INTS7: variants seen among roughly 807,000 people sequenced by gnomAD.
The protein encoded by INTS7 is integrator complex subunit 7.
A neutral mutation model predicts 109.2 loss-of-function variants in INTS7; 46 were observed. That is an observed-to-expected ratio of 0.42 (90% CI 0.33 to 0.54). The LOEUF is 0.54. Ranked by LOEUF, INTS7 falls within the 20% of genes least tolerant of loss-of-function variation. INTS7 has a pLI of 0.07. For synonymous variants in INTS7, 412 were observed against 402.9 expected (o/e 1.02, Z -0.27); for missense variants, 929 against 1,132.4 (o/e 0.82, Z 2.58).
chr1:211,983,835 GTTT>G (rs982177750), intron 8 of INTS7, among the ~76,000 whole-genome samples: 4 of 143,294 alleles, frequency 2.8e-5, no homozygotes, highest in African/African-American at 7.4e-5. Context: ...TGTTTTTTGG[GTTT>G]TTGTTTGTTT....
At chr1:212,014,203 G>A (rs142766046) in intron 4 of INTS7, among the ~76,000 whole-genome samples, 3 of 152,158 alleles carry the variant, frequency 2.0e-5, no homozygotes, top group Non-Finnish European at 2.9e-5. Flanking sequence ...ACTGGCTCAC[G>A]CCTGTAATTC....
At chr1:211,993,813 A>C (rs932379253) in intron 7 of INTS7, among the ~76,000 whole-genome samples, 1 of 152,138 alleles carries the variant, frequency 6.6e-6, no homozygotes, top group Non-Finnish European at 1.5e-5. Context: ...ACACTAAAAA[A>C]TGTTTTTCCT....
At chr1:212,000,495 T>C (rs1046097260) in intron 7 of INTS7, among the ~76,000 whole-genome samples, 1 of 152,154 alleles carries the variant, frequency 6.6e-6, no homozygotes, top group East Asian at 1.9e-4. Flanking sequence ...ACCCCAACCC[T>C]ACAATCTGTC....
At chr1:211,998,080 T>C (rs916803673) in intron 7 of INTS7, among the ~76,000 whole-genome samples, 1 of 152,166 alleles carries the variant, frequency 6.6e-6, no homozygotes, top group Non-Finnish European at 1.5e-5. Flanking sequence ...CAGCTCAGTC[T>C]CCCAAGTAGC....
chr1:211,977,422 C>T lies in INTS7; in HGVS notation c.1471-703G>A, dbSNP rs138141367. On this transcript the variant is annotated intron_variant, in intron 11 of 19. Coordinates refer to ENST00000366994, the MANE Select transcript of INTS7 (RefSeq NM_015434.4). The stretch of plus-strand genomic sequence containing the variant: ...AAATGCCACTTCAATAAAAAATAAA[C>T]TTAGCTAACTGCCTCTTAATATTTC... Among the ~76,000 whole-genome samples the T allele has an allele frequency of 5.2e-3, 798 of 152,222 alleles. 4 individuals are homozygous for T. Among genetic ancestry groups the T allele is most frequent in the African/African-American group, 0.018 (763 of 41,528 alleles).
At position 212,006,726 on chromosome 1, in the gene INTS7, G is replaced by A. The variant is rs200861728; in HGVS notation, c.792C>T (p.Pro264=). Residue 264 remains proline, a synonymous_variant, in exon 7 of 20, where the codon CCC becomes CCT. Transcript: ENST00000366994. The stretch of plus-strand genomic sequence containing the variant: ...TAGCAAGTCTCTTTACTGCCTTCCT[G>A]GGATCATTCTTCAAATACTGCAACA... ...QLLLQYLKND[P]RKAVKRLAIQ... is the part of the protein sequence containing the mutation. 56 of 1,605,546 alleles carry A rather than the reference G, an allele frequency of 3.5e-5. No individual in the cohort carries two copies. Among genetic ancestry groups the A allele is most frequent in the Non-Finnish European group, 4.7e-5 (55 of 1,174,226 alleles).
chr1:211,985,244 T>C (rs1453715590), intron 8 of INTS7, among the ~76,000 whole-genome samples: 1 of 152,188 alleles, frequency 6.6e-6, no homozygotes, highest in Non-Finnish European at 1.5e-5. Context: ...TCAAGTGTTG[T>C]TTTAAGGTGC....
At chr1:211,952,863 T>C (rs1302630800) in intron 16 of INTS7, among the ~76,000 whole-genome samples, 162 bp from the exon 17 acceptor site, 1 of 152,222 alleles carries the variant, frequency 6.6e-6, no homozygotes, top group Admixed American at 6.5e-5. Context: ...GTAAGTAGTT[T>C]GCCTACAGTC....
chr1:211,996,788 G>A (rs1053237081), intron 7 of INTS7, among the ~76,000 whole-genome samples: 1 of 152,176 alleles, frequency 6.6e-6, no homozygotes, highest in Non-Finnish European at 1.5e-5. Flanking sequence ...ACTTTGGGAG[G>A]TCCAGGCAGG....
intron 7 of INTS7, among the ~76,000 whole-genome samples, chr1:211,988,463 A>T (rs1196370719): frequency 6.6e-6 from 1 of 151,790 alleles, no homozygotes; most frequent in Non-Finnish European, 1.5e-5. Flanking sequence ...AAACTTCCAA[A>T]CTCTTTAGGG....
At chr1:212,034,737 T>C (rs1426243531) in intron 1 of INTS7, among the ~76,000 whole-genome samples, 1 of 152,122 alleles carries the variant, frequency 6.6e-6, no homozygotes, top group South Asian at 2.1e-4. Context: ...CTAGATGAAG[T>C]TAATCATAAA....
At chr1:211,974,270 AAAAAAAAT>A (rs1180559583) in intron 13 of INTS7, among the ~76,000 whole-genome samples, 10,749 of 101,816 alleles carry the variant, frequency 0.11, 648 homozygotes, top group Non-Finnish European at 0.13. Context: ...CTTCCCAGAA[AAAAAAAAT>A]ATATATATAT....
intron 15 of INTS7, among the ~76,000 whole-genome samples, chr1:211,966,989 T>A (rs1571857772): frequency 2.0e-5 from 3 of 152,200 alleles, no homozygotes; most frequent in Admixed American, 1.3e-4. Flanking sequence ...TGTCTCTGTA[T>A]ATATGCATTT....
At chr1:211,970,879 T>G (rs572705829) in intron 13 of INTS7, among the ~76,000 whole-genome samples, 2 of 152,312 alleles carry the variant, frequency 1.3e-5, no homozygotes, top group African/African-American at 4.8e-5. Flanking sequence ...ACATAACCTG[T>G]GCAATTCCAC....
rs11322485 is a variant in INTS7 at position 211,968,712 on chromosome 1, G to GAAA, written c.1816-8_1816-6dup. Reference sequence around the variant, plus strand: ...ATTCAGTGGTGTACTAGCTGCCTGGGAAAAAAAAAAAAAAGAGATATTTAA... The same window carrying GAAA: ...ATTCAGTGGTGTACTAGCTGCCTGGGAAAAAAAAAAAAAAAAAGAGATATTTAA... On this transcript the variant is annotated splice_polypyrimidine_tract_variant and splice_region_variant and intron_variant, in intron 13 of 19. Coordinates refer to ENST00000366994, the MANE Select transcript of INTS7 (RefSeq NM_015434.4). 7 of 1,384,522 alleles carry GAAA rather than the reference G, an allele frequency of 5.1e-6. No homozygotes were observed. The highest frequency in any genetic ancestry group is 2.4e-5 in the East Asian group (1 of 41,586). 85.8% of individuals were successfully genotyped at this position (1,384,522 alleles called of 1,614,324 possible).
chr1:211,968,350 C>T (rs918613192), intron 14 of INTS7, among the ~76,000 whole-genome samples, 163 bp downstream of exon 14: 18 of 152,152 alleles, frequency 1.2e-4, no homozygotes, highest in African/African-American at 2.7e-4. Context: ...CTTTATCTTT[C>T]TAATAACACA....
Position 211,981,171 on chromosome 1 carries a change from T to C in INTS7, c.1152A>G (p.Gln384=). The C allele has an allele frequency of 6.2e-7, 1 of 1,612,692 alleles. No individual in the cohort carries two copies. Among genetic ancestry groups the C allele is most frequent in the Non-Finnish European group, 8.5e-7 (1 of 1,178,848 alleles). The part of the protein sequence containing the change: ...CQEKDLLALE[Q]DAVFGLESLL... ...GGGATTCCAGGCCAAAGACAGCATC[T>C]TGTTCCAGTGCCAAAAGATCTAGAA... Residue 384 remains glutamine (Q), a synonymous_variant, in exon 10 of 20, where the codon CAA becomes CAG. Coordinates refer to ENST00000366994, the MANE Select transcript of INTS7 (RefSeq NM_015434.4).
intron 5 of INTS7, among the ~76,000 whole-genome samples, chr1:212,010,447 A>G (rs1666118721): frequency 6.6e-6 from 1 of 152,196 alleles, no homozygotes; most frequent in South Asian, 2.1e-4. Context: ...TTGATTCTAA[A>G]TGCAACTGGA....
chr1:211,946,708 G>T lies in INTS7; in HGVS notation c.2317-3C>A, dbSNP rs781503606. On this transcript the variant is annotated splice_region_variant and splice_polypyrimidine_tract_variant and intron_variant, in intron 17 of 19. Transcript: ENST00000366994. The surrounding 1 kb of genome is among the most constrained non-coding windows in gnomAD (Gnocchi z 4.3). ...GCATTGCAGAGGCATGCTGTGTGCT[G>T]GGGGAAAAAAGAAACTAAATCAAAT... 1 of 1,595,676 alleles carries T rather than the reference G, an allele frequency of 6.3e-7. No individual in the cohort carries two copies. Among genetic ancestry groups the T allele is most frequent in the South Asian group, 1.1e-5 (1 of 88,400 alleles).
Sources: allele counts gnomAD v4.1 joint callset (sites outside exome capture counted in the v4.1 genomes callset), GRCh38; gene constraint gnomAD v4.1.1; non-coding constraint Gnocchi (gnomAD v3.1); transcripts MANE v1.5; gene names NCBI Gene and HGNC (gene_info 2026-07-23, HGNC 2026-07-21).